The following SHISA9 variants were observed in gnomAD, a reference collection of about 807,000 sequenced individuals.
SHISA9 encodes the protein shisa family member 9, also known as protein shisa-9.
A neutral mutation model predicts 38.0 loss-of-function variants in SHISA9; 13 were observed. That is an observed-to-expected ratio of 0.34 (90% CI 0.22 to 0.54). The LOEUF (loss-of-function observed/expected upper bound fraction) is 0.54. Among genes scored for constraint, SHISA9 ranks in the 20% least tolerant of loss-of-function variants. The pLI, the probability that SHISA9 is intolerant of heterozygous loss-of-function variation, is 0.91. For synonymous variants in SHISA9, 275 were observed against 242.0 expected, an observed-to-expected ratio of 1.14 and a Z score of -1.27; for missense variants, 538 against 575.8, an observed-to-expected ratio of 0.93 and a Z score of 0.67.
chr16:13,534,902 A>G, the SHISA9 span, among the ~76,000 whole-genome samples: 9 of 152,126 alleles, frequency 5.9e-5, no homozygotes, highest in East Asian at 1.9e-4. Flanking sequence ...AATATCACCT[A>G]TATGTTGATG....
At chr16:13,491,852 TTTTTTTA>T in the SHISA9 span, among the ~76,000 whole-genome samples, 1 of 113,412 alleles carries the variant, frequency 8.8e-6, no homozygotes, top group Non-Finnish European at 1.8e-5. Flanking sequence ...TTTTTTTTTT[TTTTTTTA>T]GAGATAGGGG....
chr16:13,254,212 G>A, the SHISA9 span, among the ~76,000 whole-genome samples: 1 of 152,120 alleles, frequency 6.6e-6, no homozygotes, highest in Admixed American at 6.6e-5. Context: ...CATATGAGGT[G>A]GGAACTATTA....
the SHISA9 span, among the ~76,000 whole-genome samples, chr16:13,546,418 C>T: frequency 3.3e-5 from 5 of 152,106 alleles, no homozygotes; most frequent in Admixed American, 3.3e-4. Context: ...TGATGAATTC[C>T]CTCAGCTTGT....
intron 2 of SHISA9, among the ~76,000 whole-genome samples, chr16:13,061,384 C>G (rs1317644025): frequency 6.6e-6 from 1 of 152,240 alleles, no homozygotes; most frequent in Non-Finnish European, 1.5e-5. Flanking sequence ...TTATATAATC[C>G]TTTTTTTGGT....
chr16:13,145,240 G>A (rs909924166), intron 2 of SHISA9, among the ~76,000 whole-genome samples: 4 of 152,080 alleles, frequency 2.6e-5, no homozygotes, highest in East Asian at 1.9e-4. Context: ...TAGTAGTTAT[G>A]TGAGTTGGGC....
the SHISA9 span, among the ~76,000 whole-genome samples, chr16:13,497,534 A>C: frequency 2.6e-5 from 4 of 152,112 alleles, no homozygotes; most frequent in Middle Eastern, 3.4e-3. Flanking sequence ...AAATACAAAA[A>C]ATTAGCCGGG....
At chr16:13,188,852 C>T (rs2050855392) in intron 2 of SHISA9, among the ~76,000 whole-genome samples, 1 of 145,932 alleles carries the variant, frequency 6.9e-6, no homozygotes, top group South Asian at 2.2e-4. Flanking sequence ...ACCCAGTACC[C>T]CCAGAATGTG....
chr16:12,977,776 A>G lies in SHISA9; in HGVS notation c.691+60961A>G, dbSNP rs533891669. Among the ~76,000 whole-genome samples the G allele has an allele frequency of 1.4e-4, 21 of 152,082 alleles. No homozygotes were observed. In the East Asian group the frequency reaches 3.7e-3, roughly 27 times the overall value. ...GGTGGGAGCTGAACAATGAGAACAC[A>G]TGGACACAGGGAGGGGAACAACACA... On this transcript the variant is annotated intron_variant, in intron 2 of 4. Coordinates refer to ENST00000558583, the MANE Select transcript of SHISA9 (RefSeq NM_001145204.3).
At chr16:13,156,065 T>G (rs957824853) in intron 2 of SHISA9, among the ~76,000 whole-genome samples, 1 of 152,178 alleles carries the variant, frequency 6.6e-6, no homozygotes, top group African/African-American at 2.4e-5. Context: ...AAGTGGATGG[T>G]ATTTTGAAGG....
chr16:13,180,427 C>G (rs7185907), intron 2 of SHISA9, among the ~76,000 whole-genome samples: 76,723 of 152,028 alleles, frequency 0.5, 20,968 homozygotes, highest in African/African-American at 0.73. Flanking sequence ...AGCCAGGCAC[C>G]GTGGCTCACA....
At chr16:13,474,838 G>A in the SHISA9 span, among the ~76,000 whole-genome samples, 1 of 152,030 alleles carries the variant, frequency 6.6e-6, no homozygotes, top group South Asian at 2.1e-4. Context: ...AAAAGGCCTT[G>A]AATTGAAAAG....
chr16:13,123,409 G>A (rs180773004), intron 2 of SHISA9, among the ~76,000 whole-genome samples: 6 of 152,350 alleles, frequency 3.9e-5, no homozygotes, highest in African/African-American at 9.6e-5. Flanking sequence ...GTGGCTGCTC[G>A]ATGGGAAATT....
At chr16:13,202,739 GTGTA>G (rs1456182987) in intron 2 of SHISA9, among the ~76,000 whole-genome samples, 5 of 152,050 alleles carry the variant, frequency 3.3e-5, no homozygotes, top group African/African-American at 4.8e-5. Flanking sequence ...GATTGTTTCT[GTGTA>G]TGTGTTTTCA....
intron 4 of SHISA9, among the ~76,000 whole-genome samples, chr16:13,214,140 T>C (rs1213457122): frequency 1.3e-5 from 2 of 152,184 alleles, no homozygotes; most frequent in Non-Finnish European, 2.9e-5. Flanking sequence ...CTTCTCCATA[T>C]GCTTTGTTGG....
chr16:12,911,964 T>G (rs2071189836), intron 1 of SHISA9, among the ~76,000 whole-genome samples: 1 of 152,240 alleles, frequency 6.6e-6, no homozygotes, highest in Admixed American at 6.5e-5. Context: ...ATAAATAATT[T>G]AATCTGTGCA....
At chr16:13,548,144 T>C in the SHISA9 span, among the ~76,000 whole-genome samples, 2 of 152,108 alleles carry the variant, frequency 1.3e-5, no homozygotes. Context: ...AAATGATGCT[T>C]GAATAACTAA....
At chr16:13,316,619 C>T in the SHISA9 span, among the ~76,000 whole-genome samples, 1 of 152,180 alleles carries the variant, frequency 6.6e-6, no homozygotes, top group African/African-American at 2.4e-5. Context: ...ACTTTTGTTT[C>T]ATGTACCACT....
intron 2 of SHISA9, among the ~76,000 whole-genome samples, chr16:13,094,912 A>C (rs977008241): frequency 6.6e-6 from 1 of 152,186 alleles, no homozygotes; most frequent in African/African-American, 2.4e-5. Context: ...GTGTTATAAA[A>C]ATTAACAATA....
the SHISA9 span, among the ~76,000 whole-genome samples, chr16:13,262,026 A>G: frequency 6.6e-5 from 10 of 152,338 alleles, no homozygotes; most frequent in Admixed American, 2.0e-4. Context: ...AGTAATAGAT[A>G]GATAACATAG....
Sources: gnomAD v4.1 joint callset for allele counts (sites outside exome capture counted in the v4.1 genomes callset) on GRCh38, gnomAD v4.1.1 for gene constraint, MANE v1.5 for transcripts, NCBI Gene and HGNC (gene_info 2026-07-23, HGNC 2026-07-21) for gene names.